The following PSD3 variants were observed in gnomAD, a reference collection of about 807,000 sequenced individuals.
PSD3 encodes PH and SEC7 domain-containing protein 3.
Under a neutral mutation model 105.5 loss-of-function variants are expected in PSD3, and 49 were observed. The ratio of observed to expected loss-of-function variants is 0.46; its 90% confidence interval spans 0.37 to 0.59. The LOEUF (loss-of-function observed/expected upper bound fraction) is 0.59, where lower values mean the gene tolerates loss of function less well. Ranked by LOEUF, PSD3 falls within the 20% of genes least tolerant of loss-of-function variation. The pLI is 0.00. For synonymous variants in PSD3, 557 were observed against 457.8 expected, an observed-to-expected ratio of 1.22 and a Z score of -2.77; for missense variants, 1,561 against 1,263.8, an observed-to-expected ratio of 1.24 and a Z score of -3.57.
At position 18,829,353 on chromosome 8, in the gene PSD3, A is replaced by G. The variant is rs188145360; in HGVS notation, c.1635-24455T>C. On this transcript the variant is annotated intron_variant, in intron 4 of 15. Coordinates refer to ENST00000327040, the MANE Select transcript of PSD3 (RefSeq NM_015310.4). ...TTTAAAAAACACACACAAGGGAGAA[A>G]GTTTTAAGGTTATCTAGTAACCCAA... Among the ~76,000 whole-genome samples the G allele has an allele frequency of 2.0e-5, 3 of 152,324 alleles. No homozygotes were observed. In the East Asian group the frequency reaches 5.8e-4, roughly 29 times the overall value.
chr8:18,838,845 AATAAT>A (rs1814374877), intron 4 of PSD3, among the ~76,000 whole-genome samples: 11 of 138,366 alleles, frequency 7.9e-5, no homozygotes, highest in African/African-American at 2.9e-4. Context: ...TAATAATAAT[AATAAT>A]GTTCAAGAAA....
chr8:18,675,413 A>G (rs1800013583), intron 9 of PSD3, among the ~76,000 whole-genome samples: 1 of 152,162 alleles, frequency 6.6e-6, no homozygotes. Context: ...CTGGAATCAA[A>G]CACACACTTG....
chr8:19,064,918 T>G (rs1246612268), intron 1 of PSD3, among the ~76,000 whole-genome samples: 1 of 152,218 alleles, frequency 6.6e-6, no homozygotes, highest in African/African-American at 2.4e-5. Flanking sequence ...GCCATTGTTT[T>G]GGACTGAGCT....
intron 1 of PSD3, among the ~76,000 whole-genome samples, chr8:19,022,482 C>T (rs1442511089): frequency 6.6e-6 from 1 of 152,222 alleles, no homozygotes; most frequent in African/African-American, 2.4e-5. Flanking sequence ...ATGCCCCTTG[C>T]CTCAGCAACT....
At chr8:18,839,271 A>C (rs1174695765) in intron 4 of PSD3, among the ~76,000 whole-genome samples, 1 of 152,182 alleles carries the variant, frequency 6.6e-6, no homozygotes, top group Non-Finnish European at 1.5e-5. Context: ...AGACATTTCA[A>C]GTCCAAATTT....
intron 1 of PSD3, among the ~76,000 whole-genome samples, chr8:19,027,691 C>T (rs1827607012): frequency 6.6e-6 from 1 of 152,156 alleles, no homozygotes; most frequent in Non-Finnish European, 1.5e-5. Flanking sequence ...TTAATAGATT[C>T]CTATGGTATG....
chr8:18,732,161 C>A (rs1055012314), intron 9 of PSD3, among the ~76,000 whole-genome samples: 1 of 151,688 alleles, frequency 6.6e-6, no homozygotes, highest in African/African-American at 2.4e-5. Flanking sequence ...GGTAAAAAAA[C>A]AACCCTCCTC....
chr8:18,681,571 C>T (rs1196705840), intron 9 of PSD3, among the ~76,000 whole-genome samples: 1 of 150,366 alleles, frequency 6.7e-6, no homozygotes, highest in African/African-American at 2.4e-5. Flanking sequence ...AAACGTGTAA[C>T]TGTGGATAAA....
chr8:18,708,959 AG>A (rs1802068948), intron 9 of PSD3, among the ~76,000 whole-genome samples: 1 of 152,150 alleles, frequency 6.6e-6, no homozygotes, highest in Admixed American at 6.5e-5. Flanking sequence ...GCTTTTTCCA[AG>A]TATCTATGCA....
At chr8:18,568,445 C>T (rs569511356) in intron 14 of PSD3, among the ~76,000 whole-genome samples, 15 of 152,018 alleles carry the variant, frequency 9.9e-5, no homozygotes, top group African/African-American at 3.4e-4. Flanking sequence ...GTCTAAGAAG[C>T]AAGGGGGGAA....
chr8:18,892,194 A>ACACACACAC (rs1563391051), intron 2 of PSD3, among the ~76,000 whole-genome samples: 3 of 93,860 alleles, frequency 3.2e-5, no homozygotes, highest in Admixed American at 3.1e-4. Flanking sequence ...CACACACACA[A>ACACACACAC]ACTTTATTTT....
chr8:18,793,659 A>G (rs751269822), intron 8 of PSD3, among the ~76,000 whole-genome samples: 71 of 152,216 alleles, frequency 4.7e-4, no homozygotes, highest in Non-Finnish European at 9.3e-4. Context: ...AAGCTCAGAG[A>G]GAAAACTGAA....
chr8:18,741,135 G>C (rs937985003), intron 9 of PSD3, among the ~76,000 whole-genome samples: 2 of 152,212 alleles, frequency 1.3e-5, no homozygotes, highest in African/African-American at 4.8e-5. Context: ...GTAAGAGGGA[G>C]ATGAGAGTAA....
intron 1 of PSD3, among the ~76,000 whole-genome samples, chr8:19,005,679 G>T (rs977758877): frequency 6.6e-6 from 1 of 151,752 alleles, no homozygotes; most frequent in Non-Finnish European, 1.5e-5. Context: ...TATTAAAGGG[G>T]TCTCACTCTA....
intron 14 of PSD3, among the ~76,000 whole-genome samples, chr8:18,570,843 C>CTATTATTATTATTATTAT (rs57603961): frequency 0.01 from 1,198 of 117,394 alleles, 14 homozygotes; most frequent in African/African-American, 0.02. Context: ...CTGCTTAAAA[C>CTATTATTATTATTATTAT]TATTATTATT....
chr8:18,972,009 T>A (rs1230493585), intron 1 of PSD3, among the ~76,000 whole-genome samples: 3 of 151,868 alleles, frequency 2.0e-5, no homozygotes, highest in Middle Eastern at 3.4e-3. Flanking sequence ...TCAAAAAAAA[T>A]AAAAATAAAC....
At chr8:18,779,223 T>C (rs1023235876) in intron 8 of PSD3, among the ~76,000 whole-genome samples, 3 of 152,204 alleles carry the variant, frequency 2.0e-5, no homozygotes, top group South Asian at 2.1e-4. Flanking sequence ...TCCCGTAGGT[T>C]CCAATTTGTT....
At chr8:18,750,229 G>T (rs909712507) in intron 9 of PSD3, among the ~76,000 whole-genome samples, 1 of 152,188 alleles carries the variant, frequency 6.6e-6, no homozygotes, top group Admixed American at 6.5e-5. Flanking sequence ...GAATGAAGCC[G>T]CGGACCCTCG....
At chr8:18,747,445 T>C (rs1263182477) in intron 9 of PSD3, among the ~76,000 whole-genome samples, 1 of 152,232 alleles carries the variant, frequency 6.6e-6, no homozygotes, top group Non-Finnish European at 1.5e-5. Context: ...AAGTAATGTA[T>C]TCTCAAAGTC....
Sources: gnomAD v4.1 joint callset for allele counts (sites outside exome capture counted in the v4.1 genomes callset) on GRCh38, gnomAD v4.1.1 for gene constraint, MANE v1.5 for transcripts, NCBI Gene and HGNC (gene_info 2026-07-23, HGNC 2026-07-21) for gene names.